Variants in ARHGAP24 observed in about 807,000 individuals in gnomAD.
The protein encoded by ARHGAP24 is rho GTPase-activating protein 24.
Under a neutral mutation model 76.4 loss-of-function variants are expected in ARHGAP24, and 50 were observed. That is an observed-to-expected ratio of 0.65 (90% CI 0.52 to 0.83). The LOEUF (loss-of-function observed/expected upper bound fraction) is 0.83, where lower values mean the gene tolerates loss of function less well. Ranked by LOEUF, ARHGAP24 falls within the 40% of genes least tolerant of loss-of-function variation. The pLI is 0.00. For missense variants in ARHGAP24, 930 were observed against 914.2 expected (o/e 1.02, Z -0.22); for synonymous variants, 345 against 323.3 (o/e 1.07, Z -0.72).
chr4:85,512,879 TA>T (rs563724713), intron 1 of ARHGAP24, among the ~76,000 whole-genome samples: 33 of 152,228 alleles, frequency 2.2e-4, no homozygotes, highest in Non-Finnish European at 4.6e-4. Flanking sequence ...CAAGGCAAAT[TA>T]AACTCAGTAC....
chr4:85,931,772 CAA>C (rs1366315234), intron 4 of ARHGAP24, among the ~76,000 whole-genome samples: 1 of 151,982 alleles, frequency 6.6e-6, no homozygotes, highest in Admixed American at 6.5e-5. Context: ...GTTTATGGAT[CAA>C]AATATTTATA....
At chr4:85,953,492 A>G (rs1021050025) in intron 5 of ARHGAP24, among the ~76,000 whole-genome samples, 2 of 152,198 alleles carry the variant, frequency 1.3e-5, no homozygotes, top group African/African-American at 4.8e-5. Flanking sequence ...AGTACTACAG[A>G]CATAGGAGAG....
At chr4:85,890,317 G>T (rs1444901267) in intron 3 of ARHGAP24, among the ~76,000 whole-genome samples, 1 of 151,930 alleles carries the variant, frequency 6.6e-6, no homozygotes, top group East Asian at 1.9e-4. Flanking sequence ...TTTTATCTTG[G>T]TCATCACACA....
intron 2 of ARHGAP24, among the ~76,000 whole-genome samples, chr4:85,622,303 G>A (rs1179124741): frequency 8.0e-6 from 1 of 124,420 alleles, no homozygotes. Flanking sequence ...GTGTCCATGT[G>A]TTCTCATTGT....
chr4:85,575,985 A>G lies in ARHGAP24; in HGVS notation c.180+5264A>G, dbSNP rs547030757. On this transcript the variant is annotated intron_variant, in intron 2 of 9. Transcript: ENST00000395184. ...ACTTTCTACAACAGATATTGATCCA[A>G]TTATGTGGGGAAGGTTTTTTCTGTG... Among the ~76,000 whole-genome samples the G allele has an allele frequency of 7.9e-5, 12 of 152,328 alleles. No homozygotes were observed. The East Asian group carries it at 2.1e-3, about 27-fold the overall frequency.
chr4:85,923,844 T>C, intron 4 of ARHGAP24, 74 bp downstream of exon 4: 1 of 1,600,808 alleles, frequency 6.2e-7, no homozygotes, highest in Non-Finnish European at 8.6e-7. Context: ...CCAGCGAATG[T>C]TACTATTAGC....
intron 1 of ARHGAP24, among the ~76,000 whole-genome samples, chr4:85,533,267 A>T (rs531963733): frequency 3.4e-4 from 51 of 152,214 alleles, no homozygotes; most frequent in Non-Finnish European, 6.5e-4. Flanking sequence ...GGGACAGTTT[A>T]TCTTTCTGTA....
intron 9 of ARHGAP24, 35 bp from the exon 10 acceptor site, chr4:86,000,444 T>TGGGCGG: frequency 1.6e-6 from 1 of 616,722 alleles, no homozygotes; most frequent in Non-Finnish European, 2.7e-6. Context: ...TACTCTTGCG[T>TGGGCGG]CCCCACCCCC....
At chr4:85,506,964 A>C (rs1724081716) in intron 1 of ARHGAP24, among the ~76,000 whole-genome samples, 1 of 152,168 alleles carries the variant, frequency 6.6e-6, no homozygotes, top group Non-Finnish European at 1.5e-5. Context: ...AAAACTGGAT[A>C]TATAAACAGC....
intron 1 of ARHGAP24, among the ~76,000 whole-genome samples, chr4:85,514,497 T>G (rs1019123813): frequency 6.6e-6 from 1 of 152,268 alleles, no homozygotes; most frequent in South Asian, 2.1e-4. Flanking sequence ...TTTTGTATAT[T>G]TAATAAATAA....
At chr4:85,931,184 TG>T in intron 4 of ARHGAP24, 1 of 828,016 alleles carries the variant, frequency 1.2e-6, no homozygotes, top group Non-Finnish European at 1.8e-6. Flanking sequence ...TGCGTATCCT[TG>T]CTTGTCTATA....
chr4:85,756,763 T>A (rs906369948), intron 3 of ARHGAP24, among the ~76,000 whole-genome samples: 1 of 152,100 alleles, frequency 6.6e-6, no homozygotes, highest in Admixed American at 6.6e-5. Context: ...GCTCCTGCAG[T>A]TGGGTGTGTT....
intron 2 of ARHGAP24, among the ~76,000 whole-genome samples, chr4:85,695,288 G>T (rs778060916): frequency 3.9e-5 from 6 of 152,156 alleles, no homozygotes. Flanking sequence ...TAAAGACCAT[G>T]GTTCATATTC....
At chr4:85,495,019 CG>C (rs1723507016) in intron 1 of ARHGAP24, among the ~76,000 whole-genome samples, 1 of 147,036 alleles carries the variant, frequency 6.8e-6, no homozygotes, top group South Asian at 2.2e-4. Flanking sequence ...GGCATGAACC[CG>C]GGAGGCGGAG....
intron 3 of ARHGAP24, among the ~76,000 whole-genome samples, chr4:85,773,460 G>C (rs936960860): frequency 6.6e-6 from 1 of 152,064 alleles, no homozygotes. Flanking sequence ...AGTAACCCAA[G>C]TGTACTCTAT....
chr4:85,599,497 C>A (rs1719962058), intron 2 of ARHGAP24, among the ~76,000 whole-genome samples: 1 of 152,052 alleles, frequency 6.6e-6, no homozygotes, highest in Non-Finnish European at 1.5e-5. Context: ...TGGGAATATC[C>A]ATGATTATTG....
chr4:85,936,923 T>A (rs1736666516), intron 4 of ARHGAP24, among the ~76,000 whole-genome samples: 1 of 152,168 alleles, frequency 6.6e-6, no homozygotes, highest in African/African-American at 2.4e-5. Flanking sequence ...AGAGTGGAGA[T>A]GCCACAGTGC....
chr4:85,840,069 G>A (rs996652780), intron 3 of ARHGAP24, among the ~76,000 whole-genome samples: 3 of 133,704 alleles, frequency 2.2e-5, no homozygotes, highest in East Asian at 2.2e-4. Flanking sequence ...GTTTCACCCT[G>A]TTGGTCAGGC....
At chr4:85,494,231 G>A (rs1034056367) in intron 1 of ARHGAP24, among the ~76,000 whole-genome samples, 1 of 151,910 alleles carries the variant, frequency 6.6e-6, no homozygotes, top group Non-Finnish European at 1.5e-5. Context: ...CATGTGCCAT[G>A]GTGATTTGCT....
Sources: allele counts gnomAD v4.1 joint callset (sites outside exome capture counted in the v4.1 genomes callset), GRCh38; gene constraint gnomAD v4.1.1; transcripts MANE v1.5; gene names NCBI Gene and HGNC (gene_info 2026-07-23, HGNC 2026-07-21).